Variants in SCUBE2 observed in about 807,000 individuals in gnomAD.
SCUBE2 encodes signal peptide, CUB domain and EGF like domain containing 2, also known as signal peptide, CUB and EGF-like domain-containing protein 2.
A neutral mutation model predicts 125.9 loss-of-function variants in SCUBE2; 114 were observed. That is an observed-to-expected ratio of 0.91 (90% CI 0.78 to 1.06). The LOEUF (loss-of-function observed/expected upper bound fraction) is 1.06. Among genes scored for constraint, SCUBE2 ranks in the 50% least tolerant of loss-of-function variants. The pLI, the probability that SCUBE2 is intolerant of heterozygous loss-of-function variation, is 0.00. For synonymous variants in SCUBE2, 459 were observed against 492.9 expected, an observed-to-expected ratio of 0.93 and a Z score of 0.91; for missense variants, 1,255 against 1,301.8, an observed-to-expected ratio of 0.96 and a Z score of 0.55.
At chr11:9,083,176 T>C (rs1861780507) in intron 2 of SCUBE2, among the ~76,000 whole-genome samples, 1 of 151,276 alleles carries the variant, frequency 6.6e-6, no homozygotes, top group Admixed American at 6.6e-5. Context: ...ATAAGGGAAA[T>C]GCATGGAAGG....
chr11:9,034,149 T>C (rs1390621462), intron 16 of SCUBE2, among the ~76,000 whole-genome samples: 2 of 152,232 alleles, frequency 1.3e-5, no homozygotes, highest in Non-Finnish European at 2.9e-5. Context: ...GACACAATTA[T>C]AGAGGTTAAA....
At position 9,020,096 on chromosome 11, in the gene SCUBE2, A is replaced by T. The variant is rs952784016; in HGVS notation, c.*949T>A. Reference sequence around the variant, plus strand: ...ACTGGGGAAGGAAGGCATACATGACAGGCTGGGCCTCACCACACCCACCTG... The same window carrying T: ...ACTGGGGAAGGAAGGCATACATGACTGGCTGGGCCTCACCACACCCACCTG... On this transcript the variant is annotated 3_prime_UTR_variant, in exon 23 of 23. Transcript: ENST00000649792. Among the ~76,000 whole-genome samples, 1 of 152,212 alleles carries T rather than the reference A, an allele frequency of 6.6e-6. No homozygotes were observed.
Position 9,055,813 on chromosome 11 carries a change from T to C in SCUBE2, c.1187A>G (p.Tyr396Cys), listed in dbSNP as rs1859023526. 3 of 1,614,100 alleles carry C rather than the reference T, an allele frequency of 1.9e-6. No individual in the cohort carries two copies. The highest frequency in any genetic ancestry group is 2.2e-5 in the East Asian group (1 of 44,876). The change falls in exon 10 of 23, where the codon TAT becomes TGT. Residue 396 changes from tyrosine (Y) to cysteine (C), a missense_variant. Tyr to Cys is a radical substitution (Grantham distance 194, BLOSUM62 -2). Around this residue, in one of 3 missense-constraint regions of SCUBE2, gnomAD observed 378 missense variants for 463.1 expected, o/e 0.82. Coordinates refer to ENST00000649792, the MANE Select transcript of SCUBE2 (RefSeq NM_001367977.2). The stretch of plus-strand genomic sequence containing the variant: ...CTCACCTCCACAGTGGGTGAAGCCA[T>C]ACAGGGTGTACCCTCGGTTGCAAGC... ...ACACNRGYTL[Y>C]GFTHCGDTNE...
Position 9,019,698 on chromosome 11 carries a change from A to G in SCUBE2, c.*1347T>C, listed in dbSNP as rs749591031. 2.6e-5 allele frequency among the ~76,000 whole-genome samples: 4 copies of G among 152,342 alleles called. No individual in the cohort carries two copies. The highest frequency in any genetic ancestry group is 2.1e-4 in the South Asian group (1 of 4,822). On this transcript the variant is annotated 3_prime_UTR_variant, in exon 23 of 23. Coordinates refer to ENST00000649792, the MANE Select transcript of SCUBE2 (RefSeq NM_001367977.2). Reference sequence around the variant, plus strand: ...AATGAAGTTCTCTTTGTTTTCTTCAAAAATGCTTGTTAAACATTTTTTTAG... The same window carrying G: ...AATGAAGTTCTCTTTGTTTTCTTCAGAAATGCTTGTTAAACATTTTTTTAG...
At chr11:9,034,822 A>AAAAC (rs34329706) in intron 16 of SCUBE2, among the ~76,000 whole-genome samples, 95,179 of 151,184 alleles carry the variant, frequency 0.63, 31,407 homozygotes, top group East Asian at 0.9. Flanking sequence ...CTCTACTGAA[A>AAAAC]AAACAAACAA....
At chr11:9,054,914 A>T (rs1241583523) in intron 10 of SCUBE2, among the ~76,000 whole-genome samples, 1 of 151,050 alleles carries the variant, frequency 6.6e-6, no homozygotes, top group Non-Finnish European at 1.5e-5. Context: ...TTGTATTTTT[A>T]GTAGAGACAG....
intron 17 of SCUBE2, among the ~76,000 whole-genome samples, chr11:9,033,183 C>G (rs962059949): frequency 6.6e-6 from 1 of 152,198 alleles, no homozygotes; most frequent in African/African-American, 2.4e-5. Context: ...AAGCTCTTCA[C>G]AGAGGAGGTC....
At position 9,025,777 on chromosome 11, in the gene SCUBE2, T is replaced by G; in HGVS notation, c.2779A>C (p.Lys927Gln). The G allele has an allele frequency of 6.2e-7, 1 of 1,614,190 alleles. No homozygotes were observed. The highest frequency in any genetic ancestry group is 8.5e-7 in the Non-Finnish European group (1 of 1,180,034). Residue 927 changes from lysine (K) to glutamine (Q), a missense_variant, in exon 21 of 23, where the codon AAG (lysine) becomes CAG (glutamine). By Grantham distance (53) the Lys-to-Gln change is moderately conservative. Around this residue, in one of 3 missense-constraint regions of SCUBE2, gnomAD observed 515 missense variants for 515.7 expected, o/e 1.00. Transcript: ENST00000649792. ...TTGGACTTGAACTGAATCCACAGCT[T>G]CTTTGACCTGGAGGTGAAGGCGATG... is the stretch of plus-strand genomic sequence containing the variant. The part of the protein sequence containing the change: ...RPIAFTSRSK[K>Q]LWIQFKSNEG...
At chr11:9,069,328 T>C (rs59381163) in intron 5 of SCUBE2, 42 bp downstream of exon 5, 36,546 of 1,610,704 alleles carry the variant, frequency 0.023, 695 homozygotes, top group East Asian at 0.098. Context: ...GCCTGTGGAA[T>C]ACGACGGTTC....
chr11:9,079,257 G>A (rs1328709030), intron 3 of SCUBE2, 127 bp downstream of exon 3: 5 of 984,998 alleles, frequency 5.1e-6, no homozygotes, highest in East Asian at 2.6e-5. Context: ...CACGGAGTCT[G>A]ACTTCCAAGG....
chr11:9,027,658 C>T (rs1244944705), intron 19 of SCUBE2, 97 bp from the exon 20 acceptor site: 1 of 1,030,298 alleles, frequency 9.7e-7, no homozygotes, highest in African/African-American at 1.6e-5. Context: ...TGTTGCCACC[C>T]AGGAATGGGG....
chr11:9,027,577 C>T lies in SCUBE2; in HGVS notation c.2504-16G>A, dbSNP rs72549208. The T allele has an allele frequency of 0.029, 46,496 of 1,606,224 alleles. 806 individuals are homozygous for T. The highest frequency in any genetic ancestry group is 0.034 in the Non-Finnish European group (40,476 of 1,174,532). ...CATCTTCTGTCTGAAAAAGGAGATG[C>T]CCCGAGTTATGGCACGACACTGTCA... On this transcript the variant is annotated splice_polypyrimidine_tract_variant and intron_variant, in intron 19 of 22. Transcript: ENST00000649792.
At chr11:9,026,116 G>T in intron 20 of SCUBE2, 1 of 318,780 alleles carries the variant, frequency 3.1e-6, no homozygotes. Flanking sequence ...TTCACTGTAG[G>T]AGCTGGGTGA....
rs760063339 is a variant in SCUBE2, at chr11:9,065,978, G to T, written c.763C>A (p.Arg255=). The T allele has an allele frequency of 1.9e-6, 3 of 1,612,262 alleles. No individual in the cohort carries two copies. Among genetic ancestry groups the T allele is most frequent in the Non-Finnish European group, 2.5e-6 (3 of 1,178,342 alleles). ...MHTDGRSCLE[R]EDTVLEVTES... ...GTCACCTCCAGGACAGTGTCCTCTC[G>T]CTCTACAAGAGAAGCAAAAGAGCAC... is the stretch of plus-strand genomic sequence containing the variant. The change falls in exon 7 of 23, where the codon CGA becomes AGA. Residue 255 remains arginine (R), a splice_region_variant and synonymous_variant. Coordinates refer to ENST00000649792, the MANE Select transcript of SCUBE2 (RefSeq NM_001367977.2).
intron 13 of SCUBE2, among the ~76,000 whole-genome samples, chr11:9,051,389 T>C (rs1858398508): frequency 1.3e-5 from 2 of 152,186 alleles, no homozygotes; most frequent in African/African-American, 4.8e-5. Flanking sequence ...TAAGCCCGTT[T>C]GGCGAAACGG....
At chr11:9,045,614 C>G (rs4910419) in intron 16 of SCUBE2, among the ~76,000 whole-genome samples, 3,054 of 37,922 alleles carry the variant, frequency 0.081, 97 homozygotes, top group African/African-American at 0.15. Context: ...CAGACAGACA[C>G]ACACACACAC....
chr11:9,059,244 G>C, intron 9 of SCUBE2, 59 bp downstream of exon 9: 1 of 1,580,400 alleles, frequency 6.3e-7, no homozygotes, highest in Non-Finnish European at 8.6e-7. Flanking sequence ...AGGGTGCTAC[G>C]TTCTCTCTGC....
At position 9,065,914 on chromosome 11, in the gene SCUBE2, C is replaced by T. The variant is rs1209626976; in HGVS notation, c.827G>A (p.Arg276Gln). 5.0e-6 allele frequency: 8 copies of T among 1,614,144 alleles called. No homozygotes were observed. The highest frequency in any genetic ancestry group is 6.8e-6 in the Non-Finnish European group (8 of 1,180,010). The change falls in exon 7 of 23, where the codon CGG (arginine) becomes CAG (glutamine). Residue 276 changes from arginine to glutamine, a missense_variant. Transcript: ENST00000649792. ...NTTSVVDGDK[R>Q]VKRRLLMETC... ...ACCCATGAGCAGCCGCCGTTTCACC[C>T]GTTTATCCCCATCCACCACTGATGT...
chr11:9,070,029 C>T (rs1013813999), intron 4 of SCUBE2, among the ~76,000 whole-genome samples: 4 of 152,132 alleles, frequency 2.6e-5, no homozygotes, highest in East Asian at 1.9e-4. Context: ...GGGCCACATG[C>T]CCCGGGATCT....
Sources: gnomAD v4.1 joint callset for allele counts (sites outside exome capture counted in the v4.1 genomes callset) on GRCh38, gnomAD v4.1.1 for gene constraint, gnomAD v4.1.1 regional missense constraint, MANE v1.5 for transcripts, NCBI Gene and HGNC (gene_info 2026-07-23, HGNC 2026-07-21) for gene names.